Variants in FCN1 observed in about 807,000 individuals in gnomAD.
FCN1 encodes the protein ficolin 1, also known as ficolin-1.
Under a neutral mutation model 35.6 loss-of-function variants are expected in FCN1, and 42 were observed. That is an observed-to-expected ratio of 1.18 (90% CI 0.92 to 1.53). The LOEUF is 1.53. Ranked by LOEUF, FCN1 falls within the 40% of genes most tolerant of loss-of-function variation. The pLI is 0.00. For synonymous variants in FCN1, 179 were observed against 169.8 expected (o/e 1.05, Z -0.42); for missense variants, 439 against 428.4 (o/e 1.02, Z -0.22).
rs529952306 is a variant in FCN1 at position 134,905,089 on chromosome 9, C to T, written c.*4709G>A. Among the ~76,000 whole-genome samples, 9 of 151,844 alleles carry T rather than the reference C, an allele frequency of 5.9e-5. No individual in the cohort carries two copies. The highest frequency in any genetic ancestry group is 1.9e-4 in the East Asian group (1 of 5,166). ...GTAGAAGGAATAATTTATAGTATAC[C>T]GTAAAAAATCAAGGCTATATATTGC... On this transcript the variant is annotated 3_prime_UTR_variant, in exon 9 of 9. Transcript: ENST00000371806.
At chr9:134,912,739 C>T (rs938900376) in intron 6 of FCN1, 124 bp from the exon 7 acceptor site, 26 of 1,334,264 alleles carry the variant, frequency 1.9e-5, no homozygotes, top group South Asian at 7.9e-5. Flanking sequence ...GCCACACGCA[C>T]GCCCATCTGG....
chr9:134,916,493 C>G, intron 1 of FCN1, 32 bp from the exon 2 acceptor site: 1 of 1,599,272 alleles, frequency 6.3e-7, no homozygotes, highest in Non-Finnish European at 8.6e-7. Flanking sequence ...CACTCAGTGC[C>G]TGGCCCAACA....
In FCN1 at chr9:134,905,864, CTCT is replaced by C. The variant is rs1206593565; in HGVS notation, c.*3931_*3933del. ...CCTCTTCCTCTTCCTCTTCCTCTTC[CTCT>C]TCTTCTTCTTCTTCTTCTTCTTCTT... On this transcript the variant is annotated 3_prime_UTR_variant, in exon 9 of 9. Coordinates refer to ENST00000371806, the MANE Select transcript of FCN1 (RefSeq NM_002003.5). The C allele has an allele frequency of 0.019, 849 of 45,728 alleles. 70 individuals carry two copies. Among genetic ancestry groups the C allele is most frequent in the Middle Eastern group, 0.019 (2 of 106 alleles). 2.8% of individuals were successfully genotyped at this position (45,728 alleles called of 1,614,324 possible). A position where few individuals can be genotyped will look rare whatever the true frequency, so the allele number is the denominator to read the frequency against.
Position 134,904,887 on chromosome 9 carries a change from G to A in FCN1, c.*4911C>T, listed in dbSNP as rs557493129. Among the ~76,000 whole-genome samples the A allele has an allele frequency of 7.2e-5, 11 of 152,030 alleles. No individual in the cohort carries two copies. The highest frequency in any genetic ancestry group is 1.3e-4 in the Non-Finnish European group (9 of 67,972). ...AATAAAATAGAAGAAGGAATAAAGGGCAACATAAAGTGTAAAAATGTGGTA... is the reference window on the plus strand; with the variant it reads ...AATAAAATAGAAGAAGGAATAAAGGACAACATAAAGTGTAAAAATGTGGTA... On this transcript the variant is annotated 3_prime_UTR_variant, in exon 9 of 9. Coordinates refer to ENST00000371806, the MANE Select transcript of FCN1 (RefSeq NM_002003.5).
At chr9:134,911,342 AT>A (rs34307683) in intron 7 of FCN1, 75 bp from the exon 8 acceptor site, 212,519 of 908,250 alleles carry the variant, frequency 0.23, 4,256 homozygotes, top group African/African-American at 0.45. Flanking sequence ...GGGATGGGTA[AT>A]TTTTTTTTTT....
In FCN1 at chr9:134,907,801, G is replaced by C. The variant is rs1162577034; in HGVS notation, c.*1997C>G. The C allele has an allele frequency of 2.6e-5, 4 of 152,148 alleles. No homozygotes were observed. The highest frequency in any genetic ancestry group is 9.7e-5 in the African/African-American group (4 of 41,410). The allele number at this position is 152,148 out of a possible 1,614,324, so 9.4% of individuals were successfully genotyped here. A position where few individuals can be genotyped will look rare whatever the true frequency, so the allele number is the denominator to read the frequency against. On this transcript the variant is annotated 3_prime_UTR_variant, in exon 9 of 9. Transcript: ENST00000371806. ...TGTGTAATTGTCATGGCTGTATGGC[G>C]TTCTACCCAATGGCTATCCTTGCAT...
At position 134,910,091 on chromosome 9, in the gene FCN1, G is replaced by A. The variant is rs1294531053; in HGVS notation, c.734-46C>T. Reference sequence around the variant, plus strand: ...GTTTGCAGATGCTGGAAAAAGCCCTGCCACTGTGAGACCCTCACCACATCC... The same window carrying A: ...GTTTGCAGATGCTGGAAAAAGCCCTACCACTGTGAGACCCTCACCACATCC... On this transcript the variant is annotated intron_variant, in intron 8 of 8. Coordinates refer to ENST00000371806, the MANE Select transcript of FCN1 (RefSeq NM_002003.5). The A allele has an allele frequency of 2.6e-6, 4 of 1,547,340 alleles. No individual in the cohort carries two copies. The African/African-American group carries it at 4.1e-5, about 16-fold the overall frequency.
rs548501514 is a variant in FCN1 at position 134,905,922 on chromosome 9, T to C, written c.*3876A>G. 4.8e-4 allele frequency: 46 copies of C among 95,544 alleles called. No individual in the cohort carries two copies. The highest frequency in any genetic ancestry group is 7.4e-4 in the Non-Finnish European group (38 of 51,400). The allele number at this position is 95,544 out of a possible 1,614,324, so 5.9% of individuals were successfully genotyped here. A position where few individuals can be genotyped will look rare whatever the true frequency, so the allele number is the denominator to read the frequency against. ...TTCTTCTTCTTCTTCTTCTTCTTCT[T>C]CTCCCTCTCCCTCTCCCTCTCCCTC... On this transcript the variant is annotated 3_prime_UTR_variant, in exon 9 of 9. Coordinates refer to ENST00000371806, the MANE Select transcript of FCN1 (RefSeq NM_002003.5).
chr9:134,916,465 C>T lies in FCN1; in HGVS notation c.104-4G>A. The T allele has an allele frequency of 6.2e-7, 1 of 1,613,310 alleles. No individual in the cohort carries two copies. Among genetic ancestry groups the T allele is most frequent in the Non-Finnish European group, 8.5e-7 (1 of 1,179,188 alleles). On this transcript the variant is annotated splice_region_variant and splice_polypyrimidine_tract_variant and intron_variant, in intron 1 of 8. Transcript: ENST00000371806. ...TCCAGGCCCACCACCTTCACCTCTG[C>T]AGAGAAACACAGGTGCCCACTCAGT...
At position 134,904,111 on chromosome 9, in the gene FCN1, T is replaced by C. The variant is rs1282456739; in HGVS notation, c.*5687A>G. 1.3e-5 allele frequency among the ~76,000 whole-genome samples: 2 copies of C among 152,158 alleles called. No individual in the cohort carries two copies. The highest frequency in any genetic ancestry group is 4.8e-5 in the African/African-American group (2 of 41,442). On this transcript the variant is annotated 3_prime_UTR_variant, in exon 9 of 9. Transcript: ENST00000371806. ...AGTAATAGCAATATTTAAGAGATAATGGCTAGCATTTTTCAAAACTCATGA... is the reference window on the plus strand; with the variant it reads ...AGTAATAGCAATATTTAAGAGATAACGGCTAGCATTTTTCAAAACTCATGA...
At position 134,914,808 on chromosome 9, in the gene FCN1, T is replaced by A; in HGVS notation, c.219A>T (p.Gly73=). 1.2e-6 allele frequency: 2 copies of A among 1,611,146 alleles called. No individual in the cohort carries two copies. Among genetic ancestry groups the A allele is most frequent in the South Asian group, 2.2e-5 (2 of 90,562 alleles). ...CAGGGGCTCCAGGGAGACCGCGTTC[T>A]CCTGAAAATTCCAAAGACATATCAC... ...KGEAGVIGER[G]ERGLPGAPGK... The change falls in exon 3 of 9, where the codon GGA becomes GGT. Residue 73 remains glycine, a splice_region_variant and synonymous_variant. Coordinates refer to ENST00000371806, the MANE Select transcript of FCN1 (RefSeq NM_002003.5).
At chr9:134,911,288 G>A (rs778048501) in intron 7 of FCN1, 21 bp from the exon 8 acceptor site, 1 of 1,613,136 alleles carries the variant, frequency 6.2e-7, no homozygotes, top group East Asian at 2.2e-5. Context: ...AAGATTTTAA[G>A]GCCCCAGCCT....
Position 134,909,033 on chromosome 9 carries a change from GA to G in FCN1, c.*764del. 2.7e-6 allele frequency: 1 copy of G among 375,376 alleles called. No individual in the cohort carries two copies. 23.3% of individuals were successfully genotyped at this position (375,376 alleles called of 1,614,324 possible). A position where few individuals can be genotyped will look rare whatever the true frequency, so the allele number is the denominator to read the frequency against. On this transcript the variant is annotated 3_prime_UTR_variant, in exon 9 of 9. Transcript: ENST00000371806. ...AATCTCCCCTGGCCTGGGAGCTGGA[GA>G]AGCCCCTTCTCCATCATCTCCTAGA... is the stretch of plus-strand genomic sequence containing the variant.
rs765165815 is a variant in FCN1 at position 134,909,955 on chromosome 9, T to C, written c.824A>G (p.Gln275Arg). 1.2e-6 allele frequency: 2 copies of C among 1,614,066 alleles called. No homozygotes were observed. Among genetic ancestry groups the C allele is most frequent in the Non-Finnish European group, 8.5e-7 (1 of 1,180,014 alleles). The part of the protein sequence containing the change: ...VSSSNCAEKF[Q>R]GAWWYADCHA... ...ACAGTCGGCGTACCACCAGGCTCCT[T>C]GGAACTTCTCAGCACAATTCGAAGA... Residue 275 changes from glutamine (Q) to arginine (R), a missense_variant, in exon 9 of 9, where the codon CAA (glutamine) becomes CGA (arginine). Coordinates refer to ENST00000371806, the MANE Select transcript of FCN1 (RefSeq NM_002003.5).
At chr9:134,910,167 A>T (rs1831005504) in intron 8 of FCN1, 122 bp from the exon 9 acceptor site, 1 of 936,834 alleles carries the variant, frequency 1.1e-6, no homozygotes, top group African/African-American at 1.6e-5. Flanking sequence ...GCCGAGCTAC[A>T]GGTGCACAAA....
chr9:134,905,627 GCAT>G lies in FCN1; in HGVS notation c.*4168_*4170del, dbSNP rs1353991590. On this transcript the variant is annotated 3_prime_UTR_variant, in exon 9 of 9. Coordinates refer to ENST00000371806, the MANE Select transcript of FCN1 (RefSeq NM_002003.5). ...GCTTCTCGAGTAGCTGGGACGATAG[GCAT>G]CCCCCACCATGAACGGCTAATTTTT... is the stretch of plus-strand genomic sequence containing the variant. Among the ~76,000 whole-genome samples the G allele has an allele frequency of 6.6e-6, 1 of 151,742 alleles. No individual in the cohort carries two copies. The highest frequency in any genetic ancestry group is 1.5e-5 in the Non-Finnish European group (1 of 67,986).
intron 1 of FCN1, 38 bp downstream of exon 1, chr9:134,917,731 C>G: frequency 7.0e-7 from 1 of 1,420,386 alleles, no homozygotes; most frequent in African/African-American, 1.4e-5. Context: ...GGGGTTGTTA[C>G]CAGCTTTTAG....
intron 1 of FCN1, 36 bp from the exon 2 acceptor site, chr9:134,916,497 C>T (rs187100193): frequency 1.8e-5 from 29 of 1,590,034 alleles, no homozygotes; most frequent in Non-Finnish European, 2.5e-5. Flanking sequence ...CAGTGCCTGG[C>T]CCAACAGTGG....
intron 2 of FCN1, 102 bp from the exon 3 acceptor site, chr9:134,914,911 GC>G: frequency 1.2e-6 from 1 of 829,324 alleles, no homozygotes. Flanking sequence ...CCCCCACTCT[GC>G]CTTGAACCCC....
Sources: allele counts gnomAD v4.1 joint callset (sites outside exome capture counted in the v4.1 genomes callset), GRCh38; gene constraint gnomAD v4.1.1; transcripts MANE v1.5; gene names NCBI Gene and HGNC (gene_info 2026-07-23, HGNC 2026-07-21).